The following AUTS2 variants were observed in gnomAD, a reference collection of about 807,000 sequenced individuals.
The protein encoded by AUTS2 is autism susceptibility gene 2 protein.
Under a neutral mutation model 112.4 loss-of-function variants are expected in AUTS2, and 17 were observed. The observed-to-expected ratio is 0.15, with a 90% confidence interval of 0.10 to 0.23. The LOEUF (loss-of-function observed/expected upper bound fraction) is 0.23. Ranked by LOEUF, AUTS2 falls within the 10% of genes least tolerant of loss-of-function variation. The pLI, the probability that AUTS2 is intolerant of heterozygous loss-of-function variation, is 1.00. For missense variants in AUTS2, 1,510 were observed against 1,701.6 expected, an observed-to-expected ratio of 0.89 and a Z score of 1.98; for synonymous variants, 751 against 702.7, an observed-to-expected ratio of 1.07 and a Z score of -1.09.
At chr7:70,176,030 C>A (rs1414178059) in intron 4 of AUTS2, among the ~76,000 whole-genome samples, 8 of 152,048 alleles carry the variant, frequency 5.3e-5, no homozygotes. Flanking sequence ...AGGCTGATAA[C>A]CTGGAAGACA....
chr7:70,175,281 A>G (rs1469801779), intron 4 of AUTS2, among the ~76,000 whole-genome samples: 1 of 152,228 alleles, frequency 6.6e-6, no homozygotes, highest in African/African-American at 2.4e-5. Context: ...CTGCAATCTC[A>G]TCACCAAAAT....
At chr7:69,865,851 A>C (rs1258047735) in intron 1 of AUTS2, among the ~76,000 whole-genome samples, 1 of 152,160 alleles carries the variant, frequency 6.6e-6, no homozygotes, top group African/African-American at 2.4e-5. Flanking sequence ...TCTCTTCCAG[A>C]AATTTTATTA....
chr7:69,724,327 G>T (rs1786396190), intron 1 of AUTS2, among the ~76,000 whole-genome samples: 1 of 152,162 alleles, frequency 6.6e-6, no homozygotes. Flanking sequence ...ACCTGCTATA[G>T]ACCTTGGCCT....
chr7:69,800,996 T>C (rs1254152439), intron 1 of AUTS2, among the ~76,000 whole-genome samples: 1 of 152,126 alleles, frequency 6.6e-6, no homozygotes, highest in East Asian at 1.9e-4. Context: ...TCCTGCTGTA[T>C]GCTTCTATGG....
chr7:70,315,791 C>T (rs1789967585), intron 4 of AUTS2, among the ~76,000 whole-genome samples: 1 of 152,128 alleles, frequency 6.6e-6, no homozygotes, highest in Non-Finnish European at 1.5e-5. Context: ...GAGTCTAGAC[C>T]TTTCTTTGAT....
chr7:70,373,693 TA>T (rs71868450), intron 4 of AUTS2, among the ~76,000 whole-genome samples: 2,101 of 152,296 alleles, frequency 0.014, 65 homozygotes, highest in African/African-American at 0.048. Context: ...CTTCATCTGC[TA>T]AAATATACTT....
chr7:70,622,529 C>T (rs920808153), intron 5 of AUTS2, among the ~76,000 whole-genome samples: 2 of 152,288 alleles, frequency 1.3e-5, no homozygotes, highest in Non-Finnish European at 2.9e-5. Flanking sequence ...AAAACTTCCT[C>T]CAGTTGGATC....
intron 4 of AUTS2, among the ~76,000 whole-genome samples, chr7:70,191,260 C>T (rs746753759): frequency 6.7e-5 from 10 of 150,252 alleles, no homozygotes; most frequent in Middle Eastern, 3.4e-3. Context: ...CTCTGCCTCC[C>T]GGGTTTACAC....
chr7:69,922,151 G>A (rs1795842558), intron 2 of AUTS2, among the ~76,000 whole-genome samples: 1 of 152,224 alleles, frequency 6.6e-6, no homozygotes, highest in African/African-American at 2.4e-5. Flanking sequence ...CTTTGCATTT[G>A]TAAAATTCTC....
intron 6 of AUTS2, among the ~76,000 whole-genome samples, chr7:70,737,719 A>C (rs1406787977): frequency 6.6e-6 from 1 of 152,146 alleles, no homozygotes; most frequent in Non-Finnish European, 1.5e-5. Context: ...CAGAGAGTAC[A>C]CAGGATATTG....
intron 4 of AUTS2, among the ~76,000 whole-genome samples, chr7:70,180,043 C>T (rs1184496029): frequency 1.3e-5 from 2 of 152,122 alleles, no homozygotes; most frequent in African/African-American, 4.8e-5. Flanking sequence ...ACTTTCTTTG[C>T]TTCTTCTGGT....
At chr7:69,950,087 C>T (rs953525869) in intron 2 of AUTS2, among the ~76,000 whole-genome samples, 15 of 152,062 alleles carry the variant, frequency 9.9e-5, no homozygotes. Flanking sequence ...TGATTTTTCC[C>T]TAAGTATTGC....
chr7:69,782,750 T>C (rs922077936), intron 1 of AUTS2, among the ~76,000 whole-genome samples: 6 of 152,158 alleles, frequency 3.9e-5, no homozygotes, highest in African/African-American at 1.4e-4. Flanking sequence ...AGGAGCAATA[T>C]GTTATGTTAC....
At chr7:70,369,031 T>C (rs1792718220) in intron 4 of AUTS2, among the ~76,000 whole-genome samples, 1 of 152,214 alleles carries the variant, frequency 6.6e-6, no homozygotes, top group South Asian at 2.1e-4. Context: ...ATTCAGTTTC[T>C]TAGTTCAGCT....
intron 4 of AUTS2, among the ~76,000 whole-genome samples, chr7:70,381,225 A>G (rs1562925170): frequency 6.6e-6 from 1 of 152,252 alleles, no homozygotes; most frequent in Admixed American, 6.5e-5. Context: ...CAAGATAAAG[A>G]AGAGGGATAA....
At chr7:70,740,766 A>T (rs1788056839) in intron 6 of AUTS2, among the ~76,000 whole-genome samples, 1 of 152,178 alleles carries the variant, frequency 6.6e-6, no homozygotes, top group Non-Finnish European at 1.5e-5. Context: ...ATTGAAGAGG[A>T]CAATGGCTAG....
chr7:69,959,267 T>C (rs115249518), intron 2 of AUTS2, among the ~76,000 whole-genome samples: 1,940 of 152,262 alleles, frequency 0.013, 42 homozygotes, highest in African/African-American at 0.045. Flanking sequence ...AAAGTGCTAA[T>C]ATTTAAAGAG....
intron 5 of AUTS2, among the ~76,000 whole-genome samples, chr7:70,510,144 G>T (rs1178050048): frequency 1.3e-5 from 2 of 152,154 alleles, no homozygotes; most frequent in Non-Finnish European, 2.9e-5. Context: ...TTCTCCTGGG[G>T]CCTTGCTTCC....
At chr7:70,412,333 T>A (rs1462908307) in intron 4 of AUTS2, among the ~76,000 whole-genome samples, 1 of 151,834 alleles carries the variant, frequency 6.6e-6, no homozygotes, top group African/African-American at 2.4e-5. Flanking sequence ...ATTTTTAGCT[T>A]CCAGGAAATT....
Sources: gnomAD v4.1 joint callset for allele counts (sites outside exome capture counted in the v4.1 genomes callset) on GRCh38, gnomAD v4.1.1 for gene constraint, MANE v1.5 for transcripts, NCBI Gene and HGNC (gene_info 2026-07-23, HGNC 2026-07-21) for gene names.